PVT1: variants seen among roughly 807,000 people sequenced by gnomAD.
PVT1 encodes the protein Pvt1 oncogene.
intron 2 of PVT1, among the ~76,000 whole-genome samples, chr8:127,814,488 T>G (rs1814636961): frequency 6.6e-6 from 1 of 152,202 alleles, no homozygotes; most frequent in Non-Finnish European, 1.5e-5. Context: ...CTCTCATTTA[T>G]TTAGCTCCTG....
At chr8:127,871,791 A>G (rs914684513) in intron 2 of PVT1, among the ~76,000 whole-genome samples, 4 of 152,228 alleles carry the variant, frequency 2.6e-5, no homozygotes, top group African/African-American at 9.6e-5. Context: ...AATATATTGT[A>G]CATTTAAAAA....
In PVT1 at chr8:127,807,949, T is replaced by C. The variant is rs183845358; in HGVS notation, n.372+11878T>C. ...CGCCCGGTTAATTGTTTTGTATTTTTAGTAGAGACGGGGTTTCACTGTGTT... is the reference window on the plus strand; with the variant it reads ...CGCCCGGTTAATTGTTTTGTATTTTCAGTAGAGACGGGGTTTCACTGTGTT... On this transcript the variant is annotated intron_variant and non_coding_transcript_variant, in intron 2 of 10. Coordinates refer to ENST00000651587, the Ensembl canonical transcript of PVT1. Among the ~76,000 whole-genome samples, 295 of 152,184 alleles carry C rather than the reference T, an allele frequency of 1.9e-3. 1 individual carries two copies. The highest frequency in any genetic ancestry group is 6.6e-3 in the African/African-American group (276 of 41,524).
Position 128,039,238 on chromosome 8 carries a change from C to T in PVT1, n.913-30922C>T, listed in dbSNP as rs374712693. Among the ~76,000 whole-genome samples the T allele has an allele frequency of 1.3e-3, 22 of 16,804 alleles. 1 individual carries two copies. The South Asian group carries it at 0.064, about 49-fold the overall frequency. 11.0% of individuals were successfully genotyped at this position (16,804 alleles called of 152,430 possible). On this transcript the variant is annotated intron_variant and non_coding_transcript_variant, in intron 4 of 10. Coordinates refer to ENST00000651587, the Ensembl canonical transcript of PVT1. ...AGAGCACCTGCTCAGGTTCTTGCCT[C>T]GCCTCCCTTCCCCCTTTCCTCCCTC... is the stretch of plus-strand genomic sequence containing the variant.
chr8:127,934,442 T>A (rs1159356450), intron 3 of PVT1, among the ~76,000 whole-genome samples: 3 of 152,194 alleles, frequency 2.0e-5, no homozygotes, highest in Non-Finnish European at 4.4e-5. Flanking sequence ...CAGGATGGTC[T>A]GGGCTCTCTC....
At chr8:127,990,270 G>T (rs577776258) in intron 4 of PVT1, among the ~76,000 whole-genome samples, 1 of 152,178 alleles carries the variant, frequency 6.6e-6, no homozygotes, top group Non-Finnish European at 1.5e-5. Flanking sequence ...GCACTGGGTT[G>T]AAATGTCCCT....
chr8:127,993,455 G>T (rs1817066642), intron 4 of PVT1, among the ~76,000 whole-genome samples: 2 of 152,218 alleles, frequency 1.3e-5, no homozygotes, highest in African/African-American at 4.8e-5. Flanking sequence ...TATCATTATG[G>T]TTTTGAGGAA....
chr8:128,001,653 A>G (rs1201520038), intron 4 of PVT1, among the ~76,000 whole-genome samples: 3 of 152,142 alleles, frequency 2.0e-5, no homozygotes, highest in Non-Finnish European at 2.9e-5. Flanking sequence ...CTTTGCTCCC[A>G]TGTTCATCCA....
chr8:127,893,234 C>T (rs911156963), intron 3 of PVT1, among the ~76,000 whole-genome samples: 2 of 152,046 alleles, frequency 1.3e-5, no homozygotes, highest in Non-Finnish European at 2.9e-5. Context: ...GAGATGCGCA[C>T]CATTATGATG....
At chr8:128,060,624 A>G (rs1813818857) in intron 4 of PVT1, among the ~76,000 whole-genome samples, 1 of 152,132 alleles carries the variant, frequency 6.6e-6, no homozygotes, top group Non-Finnish European at 1.5e-5. Context: ...AACACCAATT[A>G]TGCTTCCCAG....
chr8:128,096,622 T>A (rs1463641969), exon 6 of PVT1: 1 of 152,128 alleles, frequency 6.6e-6, no homozygotes, highest in African/African-American at 2.4e-5. Context: ...ATCTTGAGAC[T>A]CAGGATGAAG....
chr8:127,903,016 C>T (rs1815777665), intron 3 of PVT1, among the ~76,000 whole-genome samples: 1 of 152,196 alleles, frequency 6.6e-6, no homozygotes, highest in African/African-American at 2.4e-5. Flanking sequence ...CTCTAAACTG[C>T]TCCTCACAGT....
At chr8:128,017,250 C>T (rs745764211) in intron 4 of PVT1, among the ~76,000 whole-genome samples, 3 of 152,134 alleles carry the variant, frequency 2.0e-5, no homozygotes, top group Non-Finnish European at 4.4e-5. Flanking sequence ...ATTTTCCAAA[C>T]TTTGCCTCTG....
chr8:128,062,948 C>A (rs536442741), intron 4 of PVT1, among the ~76,000 whole-genome samples: 1 of 152,266 alleles, frequency 6.6e-6, no homozygotes, highest in East Asian at 1.9e-4. Context: ...AGGGTTTGAT[C>A]TTGCAGTATC....
intron 2 of PVT1, among the ~76,000 whole-genome samples, chr8:127,799,734 T>C (rs1204790184): frequency 6.6e-6 from 1 of 152,208 alleles, no homozygotes; most frequent in African/African-American, 2.4e-5. Context: ...GGACCTGGGC[T>C]CATAAGTGAG....
chr8:127,917,732 G>A (rs568415170), intron 3 of PVT1, among the ~76,000 whole-genome samples: 4 of 152,382 alleles, frequency 2.6e-5, no homozygotes, highest in African/African-American at 9.6e-5. Flanking sequence ...CCTACAGCCC[G>A]CTCTGGGGAC....
intron 3 of PVT1, among the ~76,000 whole-genome samples, chr8:127,919,766 A>G (rs766916135): frequency 6.6e-6 from 1 of 152,174 alleles, no homozygotes; most frequent in African/African-American, 2.4e-5. Context: ...GACTCGGGGA[A>G]GGTCAGAAGT....
intron 2 of PVT1, among the ~76,000 whole-genome samples, chr8:127,819,424 G>A (rs1315813235): frequency 1.3e-5 from 2 of 152,236 alleles, no homozygotes; most frequent in Non-Finnish European, 2.9e-5. Context: ...CAGTTGAGGT[G>A]GTTGATCCAT....
chr8:127,845,547 G>T (rs1158112236), intron 2 of PVT1, among the ~76,000 whole-genome samples: 7 of 152,158 alleles, frequency 4.6e-5, no homozygotes, highest in Non-Finnish European at 1.5e-5. Context: ...CAAAAATACT[G>T]TGTGAGTCTA....
chr8:127,972,505 C>T (rs141540073), intron 3 of PVT1, among the ~76,000 whole-genome samples: 72 of 152,164 alleles, frequency 4.7e-4, no homozygotes, highest in Non-Finnish European at 7.5e-4. Context: ...GTTGGGAGAC[C>T]GAGGTGGTCG....
Sources: gnomAD v4.1 joint callset for allele counts (sites outside exome capture counted in the v4.1 genomes callset) on GRCh38, gnomAD v4.1.1 for gene constraint, MANE v1.5 for transcripts, NCBI Gene and HGNC (gene_info 2026-07-23, HGNC 2026-07-21) for gene names.